ADD2: variants seen among roughly 807,000 people sequenced by gnomAD.
ADD2 encodes adducin 2, also known as beta-adducin.
ADD2 carries 23 observed loss-of-function variants against 83.0 expected under a neutral mutation model. That is an observed-to-expected ratio of 0.28 (90% CI 0.20 to 0.39). The LOEUF is 0.39. Ranked by LOEUF, ADD2 falls within the 10% of genes least tolerant of loss-of-function variation. The pLI, the probability that ADD2 is intolerant of heterozygous loss-of-function variation, is 1.00. For missense variants in ADD2, 758 were observed against 944.9 expected (o/e 0.80, Z 2.59); for synonymous variants, 375 against 375.4 (o/e 1.00, Z 0.01).
chr2:70,692,602 C>T (rs868931015), intron 6 of ADD2, 50 bp from the exon 7 acceptor site: 7 of 1,522,544 alleles, frequency 4.6e-6, no homozygotes, highest in East Asian at 2.3e-5. Context: ...GCCGAGGCCC[C>T]GCACTCCTCT....
At chr2:70,673,110 C>T in intron 14 of ADD2, 104 bp from the exon 15 acceptor site, 2 of 1,537,178 alleles carry the variant, frequency 1.3e-6, no homozygotes, top group South Asian at 2.4e-5. Flanking sequence ...GGTCATCAAT[C>T]CTCCTGGCTG....
intron 1 of ADD2, among the ~76,000 whole-genome samples, chr2:70,738,604 T>C (rs1673710316): frequency 6.6e-6 from 1 of 152,200 alleles, no homozygotes; most frequent in African/African-American, 2.4e-5. Flanking sequence ...CACACCTGTA[T>C]TGCCTCATGC....
chr2:70,722,501 T>C, intron 1 of ADD2, among the ~76,000 whole-genome samples: 1 of 152,144 alleles, frequency 6.6e-6, no homozygotes, highest in East Asian at 1.9e-4. Flanking sequence ...ATCTACTGGG[T>C]CAGGGAGCTG....
chr2:70,679,108 CT>C, intron 10 of ADD2, 147 bp from the exon 11 acceptor site: 1 of 998,202 alleles, frequency 1.0e-6, no homozygotes, highest in Non-Finnish European at 1.4e-6. Context: ...GCTTTCCACT[CT>C]TCTGGTATAT....
Position 70,658,235 on chromosome 2 carries a change from C to G in ADD2, c.*5190G>C, listed in dbSNP as rs1675426603. ...CCCCACTGAAGTCCCCACACTGCTT[C>G]CCGGTGAGCGTGGCTGCTCATTGTG... On this transcript the variant is annotated 3_prime_UTR_variant, in exon 16 of 16. Transcript: ENST00000264436. 1 of 152,292 alleles carries G rather than the reference C, an allele frequency of 6.6e-6. No individual in the cohort carries two copies. Among genetic ancestry groups the G allele is most frequent in the South Asian group, 2.1e-4 (1 of 4,828 alleles). The allele number at this position is 152,292 out of a possible 1,614,324, so 9.4% of individuals were successfully genotyped here.
intron 1 of ADD2, among the ~76,000 whole-genome samples, chr2:70,751,835 A>T (rs936488423): frequency 1.3e-5 from 2 of 152,218 alleles, no homozygotes; most frequent in Non-Finnish European, 2.9e-5. Flanking sequence ...CAATCAAGAT[A>T]AAGGAAACTT....
chr2:70,721,897 C>T (rs967408901), intron 1 of ADD2, among the ~76,000 whole-genome samples: 1 of 152,148 alleles, frequency 6.6e-6, no homozygotes, highest in East Asian at 1.9e-4. Context: ...TAACATCAGA[C>T]TTAAGGAAAT....
At chr2:70,711,429 C>A (rs1208437484) in intron 2 of ADD2, among the ~76,000 whole-genome samples, 1 of 152,104 alleles carries the variant, frequency 6.6e-6, no homozygotes, top group African/African-American at 2.4e-5. Flanking sequence ...AGCTCCACCC[C>A]CCACCAATCC....
Position 70,676,314 on chromosome 2 carries a change from T to C in ADD2, c.1593+482A>G. ...TGGGTAATATTGTCCCTTCCCATCCTGTAGGAGCATGGGTCCTGTCTATAT... is the reference window on the plus strand; with the variant it reads ...TGGGTAATATTGTCCCTTCCCATCCCGTAGGAGCATGGGTCCTGTCTATAT... On this transcript the variant is annotated intron_variant, in intron 13 of 15. Transcript: ENST00000264436. This position sits in a 1 kb window ranked among gnomAD's most constrained non-coding sequence, Gnocchi z 4.8. 9.9e-7 allele frequency: 1 copy of C among 1,010,014 alleles called. No individual in the cohort carries two copies. The allele number at this position is 1,010,014 out of a possible 1,614,324, so 62.6% of individuals were successfully genotyped here. A position where few individuals can be genotyped will look rare whatever the true frequency, so the allele number is the denominator to read the frequency against.
Position 70,662,544 on chromosome 2 carries a change from C to T in ADD2, c.*881G>A, listed in dbSNP as rs565509919. On this transcript the variant is annotated 3_prime_UTR_variant, in exon 16 of 16. Transcript: ENST00000264436. ...GTGTCATGCAAAGCTAGAAAGTCAG[C>T]ATTTCCTCTGTTGTTTTGATCCTCC... 1 of 152,356 alleles carries T rather than the reference C, an allele frequency of 6.6e-6. No individual in the cohort carries two copies. The highest frequency in any genetic ancestry group is 2.4e-5 in the African/African-American group (1 of 41,576). The allele number at this position is 152,356 out of a possible 1,614,324, so 9.4% of individuals were successfully genotyped here. A position where few individuals can be genotyped will look rare whatever the true frequency, so the allele number is the denominator to read the frequency against.
intron 9 of ADD2, among the ~76,000 whole-genome samples, chr2:70,684,918 T>TC (rs1670639372): frequency 6.6e-6 from 1 of 152,126 alleles, no homozygotes; most frequent in South Asian, 2.1e-4. Flanking sequence ...ATCTAACAAA[T>TC]CCCCTTTTTT....
intron 15 of ADD2, among the ~76,000 whole-genome samples, chr2:70,668,207 A>G (rs566372106): frequency 6.6e-6 from 1 of 152,220 alleles, no homozygotes; most frequent in African/African-American, 2.4e-5. Flanking sequence ...CAATTCCCCT[A>G]GGAAGTCTCC....
chr2:70,659,671 C>G lies in ADD2; in HGVS notation c.*3754G>C, dbSNP rs1303580247. On this transcript the variant is annotated 3_prime_UTR_variant, in exon 16 of 16. Transcript: ENST00000264436. The stretch of plus-strand genomic sequence containing the variant: ...TGGGTTGCATGCAGGCCAGGAGGCT[C>G]TTAGGGAGTCCAGATCTGGGCTAGA... 2 of 152,246 alleles carry G rather than the reference C, an allele frequency of 1.3e-5. No homozygotes were observed. The highest frequency in any genetic ancestry group is 2.4e-5 in the African/African-American group (1 of 41,430). The allele number at this position is 152,246 out of a possible 1,614,324, so 9.4% of individuals were successfully genotyped here.
chr2:70,710,186 C>G (rs1672105868), intron 2 of ADD2, among the ~76,000 whole-genome samples: 1 of 152,196 alleles, frequency 6.6e-6, no homozygotes, highest in Non-Finnish European at 1.5e-5. Flanking sequence ...CATGTGAGCC[C>G]CCTGTGCTCC....
chr2:70,712,532 G>T (rs1672249728), intron 2 of ADD2, among the ~76,000 whole-genome samples: 1 of 151,800 alleles, frequency 6.6e-6, no homozygotes, highest in Admixed American at 6.6e-5. Context: ...GATAACAGTG[G>T]AATCATGATT....
chr2:70,702,743 G>T (rs1014378157), intron 4 of ADD2, among the ~76,000 whole-genome samples: 1 of 150,622 alleles, frequency 6.6e-6, no homozygotes, highest in Non-Finnish European at 1.5e-5. Flanking sequence ...TAGAGAAACA[G>T]CTTTACTTTA....
chr2:70,699,460 A>T (rs1671476479), intron 4 of ADD2, among the ~76,000 whole-genome samples: 1 of 152,218 alleles, frequency 6.6e-6, no homozygotes, highest in Non-Finnish European at 1.5e-5. Context: ...AGAATGTCAG[A>T]TGGCAATGCT....
Position 70,676,154 on chromosome 2 carries a change from G to T in ADD2, c.1593+642C>A. 1 of 985,508 alleles carries T rather than the reference G, an allele frequency of 1.0e-6. No homozygotes were observed. The highest frequency in any genetic ancestry group is 1.2e-6 in the Non-Finnish European group (1 of 829,984). The allele number at this position is 985,508 out of a possible 1,614,324, so 61.0% of individuals were successfully genotyped here. On this transcript the variant is annotated intron_variant, in intron 13 of 15. Coordinates refer to ENST00000264436, the MANE Select transcript of ADD2 (RefSeq NM_001617.4). The surrounding 1 kb of genome is among the most constrained non-coding windows in gnomAD (Gnocchi z 4.8). ...AAAATGTCATGCCCATTGCTACCTT[G>T]CAAGGAGCAGCAGTGATTTCAAACA...
chr2:70,670,943 G>A (rs1412172138), intron 15 of ADD2, among the ~76,000 whole-genome samples: 1 of 152,184 alleles, frequency 6.6e-6, no homozygotes, highest in African/African-American at 2.4e-5. Context: ...CCCCTCCAGG[G>A]GAAGAATGAA....
Sources: allele counts gnomAD v4.1 joint callset (sites outside exome capture counted in the v4.1 genomes callset), GRCh38; gene constraint gnomAD v4.1.1; non-coding constraint Gnocchi (gnomAD v3.1); transcripts MANE v1.5; gene names NCBI Gene and HGNC (gene_info 2026-07-23, HGNC 2026-07-21).